Variants in ZEB1 observed in about 807,000 individuals in gnomAD.
The protein encoded by ZEB1 is zinc finger E-box-binding homeobox 1.
ZEB1 carries 21 observed loss-of-function variants against 84.9 expected under a neutral mutation model. The ratio of observed to expected loss-of-function variants is 0.25; its 90% CI spans 0.18 to 0.36. The LOEUF is 0.36. Among genes scored for constraint, ZEB1 ranks in the 10% least tolerant of loss-of-function variants. The pLI, the probability that ZEB1 is intolerant of heterozygous loss-of-function variation, is 1.00. For missense variants in ZEB1, 1,104 were observed against 1,330.2 expected (o/e 0.83, Z 2.65); for synonymous variants, 420 against 471.1 (o/e 0.89, Z 1.41).
chr10:31,380,474 A>G (rs1033207107), intron 1 of ZEB1, among the ~76,000 whole-genome samples: 1 of 152,174 alleles, frequency 6.6e-6, no homozygotes, highest in African/African-American at 2.4e-5. Context: ...TCAATGCTAA[A>G]ATTGGGCAGT....
At chr10:31,478,221 A>C (rs1347272011) in intron 2 of ZEB1, among the ~76,000 whole-genome samples, 1 of 152,092 alleles carries the variant, frequency 6.6e-6, no homozygotes, top group Non-Finnish European at 1.5e-5. Flanking sequence ...TCTTAAAAGA[A>C]GACATAAAGT....
At chr10:31,382,006 C>CAAAAAAAAAAAAAAAAAAAAA (rs535534850) in intron 1 of ZEB1, among the ~76,000 whole-genome samples, 2 of 40,770 alleles carry the variant, frequency 4.9e-5, no homozygotes, top group African/African-American at 9.0e-5. Context: ...GAGACTGTCT[C>CAAAAAAAAAAAAAAAAAAAAA]AAAAAAAAAA....
At chr10:31,485,992 G>T (rs896463594) in intron 2 of ZEB1, among the ~76,000 whole-genome samples, 1 of 151,790 alleles carries the variant, frequency 6.6e-6, no homozygotes, top group Non-Finnish European at 1.5e-5. Flanking sequence ...AACATAATCT[G>T]TGTCACTCAG....
chr10:31,337,746 C>T (rs776196704), intron 1 of ZEB1, among the ~76,000 whole-genome samples: 20 of 132,984 alleles, frequency 1.5e-4, no homozygotes, highest in Non-Finnish European at 6.1e-5. Flanking sequence ...AGTGCAATGG[C>T]GCAATCTCGG....
chr10:31,472,347 T>C (rs544181103), intron 2 of ZEB1, among the ~76,000 whole-genome samples: 2 of 151,762 alleles, frequency 1.3e-5, no homozygotes, highest in Non-Finnish European at 2.9e-5. Context: ...AAGAATCAAA[T>C]AGATGCAATA....
At chr10:31,407,586 T>C (rs941422342) in intron 1 of ZEB1, among the ~76,000 whole-genome samples, 1 of 152,134 alleles carries the variant, frequency 6.6e-6, no homozygotes, top group Non-Finnish European at 1.5e-5. Flanking sequence ...AGCAGCATGA[T>C]TTATAGTCCT....
chr10:31,447,009 TG>T (rs556728887), intron 1 of ZEB1, among the ~76,000 whole-genome samples: 2,280 of 151,466 alleles, frequency 0.015, 43 homozygotes, highest in African/African-American at 0.052. Context: ...ATGTTGACAG[TG>T]GGGTGTTAAA....
At chr10:31,466,571 G>T (rs1037385129) in intron 2 of ZEB1, among the ~76,000 whole-genome samples, 5 of 152,040 alleles carry the variant, frequency 3.3e-5, no homozygotes, top group Non-Finnish European at 7.4e-5. Context: ...AACAAAAATG[G>T]AAACATAACA....
intron 4 of ZEB1, among the ~76,000 whole-genome samples, chr10:31,508,717 G>C (rs1257804659): frequency 5.3e-5 from 8 of 152,130 alleles, no homozygotes; most frequent in Admixed American, 5.2e-4. Context: ...GCCACCAGCA[G>C]AGTGCTCAGG....
At chr10:31,440,277 C>G (rs2058766020) in intron 1 of ZEB1, among the ~76,000 whole-genome samples, 3 of 152,000 alleles carry the variant, frequency 2.0e-5, no homozygotes. Context: ...ATTAGAAATC[C>G]AAGTGGTGAT....
At chr10:31,450,891 C>CGTGCGTGCGCATGTGTGCCTGTGTGTGT (rs2060483684) in intron 1 of ZEB1, among the ~76,000 whole-genome samples, 2 of 131,138 alleles carry the variant, frequency 1.5e-5, no homozygotes, top group Non-Finnish European at 1.6e-5. Flanking sequence ...TGTGTGTGTG[C>CGTGCGTGCGCATGTGTGCCTGTGTGTGT]GTGCGTGCGC....
chr10:31,444,624 C>G (rs905297900), intron 1 of ZEB1, among the ~76,000 whole-genome samples: 18 of 151,892 alleles, frequency 1.2e-4, no homozygotes, highest in African/African-American at 2.2e-4. Context: ...TTTCAGCTTT[C>G]TACATATGGC....
At chr10:31,360,944 A>C in intron 1 of ZEB1, 1 of 1,595,588 alleles carries the variant, frequency 6.3e-7, no homozygotes, top group Non-Finnish European at 8.5e-7. Flanking sequence ...GTCTGGAGGA[A>C]GCAGCTAACT....
intron 3 of ZEB1, among the ~76,000 whole-genome samples, chr10:31,497,044 T>A (rs1194180160): frequency 6.6e-6 from 1 of 152,130 alleles, no homozygotes; most frequent in Non-Finnish European, 1.5e-5. Flanking sequence ...TCTGTGTAAC[T>A]TGCATGAATA....
intron 1 of ZEB1, among the ~76,000 whole-genome samples, chr10:31,456,317 T>G (rs947751497): frequency 1.4e-4 from 21 of 151,968 alleles, no homozygotes; most frequent in Non-Finnish European, 1.6e-4. Context: ...GGTGATGGGT[T>G]GATGGAGCAG....
intron 4 of ZEB1, among the ~76,000 whole-genome samples, chr10:31,506,199 C>G (rs1484731124): frequency 6.6e-6 from 1 of 151,920 alleles, no homozygotes; most frequent in African/African-American, 2.4e-5. Flanking sequence ...ACAGTCTATC[C>G]TAGAGTATGT....
At chr10:31,362,645 C>T (rs925319218) in intron 1 of ZEB1, among the ~76,000 whole-genome samples, 8 of 150,648 alleles carry the variant, frequency 5.3e-5, no homozygotes, top group African/African-American at 1.7e-4. Flanking sequence ...CCAGATGGTG[C>T]GGTGGCCGGG....
chr10:31,379,062 C>G (rs183416603), intron 1 of ZEB1, among the ~76,000 whole-genome samples: 1 of 151,944 alleles, frequency 6.6e-6, no homozygotes, highest in African/African-American at 2.4e-5. Context: ...ATGTTTGGCA[C>G]AGTGAGGCTG....
intron 6 of ZEB1, among the ~76,000 whole-genome samples, chr10:31,515,113 G>A (rs976789400): frequency 6.6e-6 from 1 of 152,006 alleles, no homozygotes; most frequent in African/African-American, 2.4e-5. Flanking sequence ...AAGTTGAAAT[G>A]GAACTCAAGA....
Sources: gnomAD v4.1 joint callset for allele counts (sites outside exome capture counted in the v4.1 genomes callset) on GRCh38, gnomAD v4.1.1 for gene constraint, MANE v1.5 for transcripts, NCBI Gene and HGNC (gene_info 2026-07-23, HGNC 2026-07-21) for gene names.